PTPRD: variants seen among roughly 807,000 people sequenced by gnomAD.
PTPRD encodes protein tyrosine phosphatase receptor type D, also known as receptor-type tyrosine-protein phosphatase delta.
In PTPRD, 34 loss-of-function variants were observed where a neutral mutation model predicts 214.5. The observed-to-expected ratio is 0.16, with a 90% CI of 0.12 to 0.21. The LOEUF is 0.21. Ranked by LOEUF, PTPRD falls within the 10% of genes least tolerant of loss-of-function variation. PTPRD has a pLI of 1.00. For missense variants in PTPRD, 2,545 were observed against 2,398.7 expected, an observed-to-expected ratio of 1.06 and a Z score of -1.27; for synonymous variants, 1,128 against 845.7, an observed-to-expected ratio of 1.33 and a Z score of -5.79.
At position 10,272,005 on chromosome 9, in the gene PTPRD, A is replaced by ATTCTATATC. The variant is rs199630722; in HGVS notation, c.-545+68957_-545+68958insGATATAGAA. Among the ~76,000 whole-genome samples the ATTCTATATC allele has an allele frequency of 5.5e-3, 836 of 152,266 alleles. 8 individuals are homozygous for ATTCTATATC. Among genetic ancestry groups the ATTCTATATC allele is most frequent in the East Asian group, 0.033 (169 of 5,186 alleles). On this transcript the variant is annotated intron_variant, in intron 3 of 45. Transcript: ENST00000381196. The stretch of plus-strand genomic sequence containing the variant: ...TATCATTCATCCATTTAAAATATGA[A>ATTCTATATC]TTTTGTTATATTCACAGAGTTTTGA...
chr9:10,451,890 C>T (rs113710253), intron 2 of PTPRD, among the ~76,000 whole-genome samples: 1,807 of 151,990 alleles, frequency 0.012, 33 homozygotes, highest in African/African-American at 0.039. Flanking sequence ...AACTTCATAG[C>T]GTCAGTTAAA....
At chr9:9,966,615 T>C (rs753050407) in intron 4 of PTPRD, among the ~76,000 whole-genome samples, 1 of 152,152 alleles carries the variant, frequency 6.6e-6, no homozygotes, top group African/African-American at 2.4e-5. Context: ...TATGTTGTAG[T>C]CACATTGAGC....
chr9:10,075,682 G>A (rs1567518167), intron 3 of PTPRD, among the ~76,000 whole-genome samples: 1 of 151,570 alleles, frequency 6.6e-6, no homozygotes, highest in Non-Finnish European at 1.5e-5. Context: ...ATTTTCTGGG[G>A]GGGAGGGGGA....
intron 8 of PTPRD, among the ~76,000 whole-genome samples, chr9:9,417,051 T>G (rs761108121): frequency 6.6e-6 from 1 of 152,152 alleles, no homozygotes; most frequent in South Asian, 2.1e-4. Flanking sequence ...CTGGATATAC[T>G]GCTTCCCCTT....
intron 12 of PTPRD, among the ~76,000 whole-genome samples, chr9:8,690,471 C>T (rs912921701): frequency 6.7e-6 from 1 of 150,284 alleles, no homozygotes. Context: ...AGAGCTTGCA[C>T]TGAGCCAAGA....
At chr9:8,837,639 G>A (rs1021075184) in intron 11 of PTPRD, among the ~76,000 whole-genome samples, 2 of 151,934 alleles carry the variant, frequency 1.3e-5, no homozygotes, top group Non-Finnish European at 1.5e-5. Flanking sequence ...TGGTATTACA[G>A]GTGCATACCA....
intron 8 of PTPRD, among the ~76,000 whole-genome samples, chr9:9,559,572 G>T (rs1192725484): frequency 6.6e-6 from 1 of 152,194 alleles, no homozygotes. Flanking sequence ...GGTAAGAGGG[G>T]CATTGCTGTT....
intron 3 of PTPRD, among the ~76,000 whole-genome samples, chr9:10,159,709 C>T (rs991958073): frequency 2.6e-5 from 4 of 151,168 alleles, no homozygotes; most frequent in African/African-American, 9.7e-5. Flanking sequence ...AATATATTTG[C>T]TGAGCAAAAA....
intron 10 of PTPRD, among the ~76,000 whole-genome samples, chr9:9,125,919 C>T (rs527893144): frequency 3.3e-5 from 5 of 152,204 alleles, no homozygotes; most frequent in African/African-American, 1.2e-4. Flanking sequence ...GAAATGGAGC[C>T]AGCCAAGTGA....
intron 12 of PTPRD, among the ~76,000 whole-genome samples, chr9:8,676,510 G>A (rs1261401284): frequency 6.6e-6 from 1 of 151,318 alleles, no homozygotes; most frequent in Non-Finnish European, 1.5e-5. Flanking sequence ...AGCCTCCTGA[G>A]TAGCTGGGAT....
intron 9 of PTPRD, among the ~76,000 whole-genome samples, chr9:9,192,079 G>A (rs1012733304): frequency 1.3e-5 from 2 of 151,920 alleles, no homozygotes; most frequent in African/African-American, 4.8e-5. Flanking sequence ...GTGAGACTGG[G>A]ACTTTCAGGC....
chr9:9,911,004 A>T (rs543229038), intron 5 of PTPRD, among the ~76,000 whole-genome samples: 1 of 151,908 alleles, frequency 6.6e-6, no homozygotes, highest in Non-Finnish European at 1.5e-5. Context: ...TCATTGTTTC[A>T]TATCTGGATT....
chr9:9,585,170 C>T (rs1042512351), intron 7 of PTPRD, among the ~76,000 whole-genome samples: 2 of 151,976 alleles, frequency 1.3e-5, no homozygotes, highest in African/African-American at 4.8e-5. Context: ...ATTTTCTCTT[C>T]TTCCCAGTAC....
intron 2 of PTPRD, among the ~76,000 whole-genome samples, chr9:10,477,286 G>A (rs528723445): frequency 2.6e-5 from 4 of 151,960 alleles, no homozygotes; most frequent in African/African-American, 9.6e-5. Context: ...AAATTTACAA[G>A]AAAAAAATAA....
At chr9:10,012,714 TATTTGGGTCATG>T (rs2096626998) in intron 4 of PTPRD, among the ~76,000 whole-genome samples, 3 of 151,888 alleles carry the variant, frequency 2.0e-5, no homozygotes, top group African/African-American at 7.2e-5. Flanking sequence ...CAATGCTCAA[TATTTGGGTCATG>T]TGTTAAATAT....
chr9:10,560,726 A>T (rs1053358967), intron 2 of PTPRD, among the ~76,000 whole-genome samples: 6 of 152,230 alleles, frequency 3.9e-5, no homozygotes, highest in East Asian at 1.9e-4. Flanking sequence ...GTCGCAGTAA[A>T]CCAAGAATAA....
intron 3 of PTPRD, among the ~76,000 whole-genome samples, chr9:10,311,290 C>G (rs1446621692): frequency 6.6e-6 from 1 of 151,780 alleles, no homozygotes; most frequent in African/African-American, 2.4e-5. Context: ...TAAAGTTAAC[C>G]TTTATACTGA....
rs549149940 is a variant in PTPRD at position 9,119,198 on chromosome 9, C to A, written c.-143+64106G>T. ...AGTTTATCTTATTATGACTCCTTATCATTTTATAGGTTTACCATGTTAGTC... is the reference window on the plus strand; with the variant it reads ...AGTTTATCTTATTATGACTCCTTATAATTTTATAGGTTTACCATGTTAGTC... On this transcript the variant is annotated intron_variant, in intron 10 of 45. Coordinates refer to ENST00000381196, the MANE Select transcript of PTPRD (RefSeq NM_002839.4). Among the ~76,000 whole-genome samples the A allele has an allele frequency of 9.3e-4, 141 of 152,268 alleles. 1 individual carries two copies. Among genetic ancestry groups the A allele is most frequent in the Non-Finnish European group, 1.7e-3 (115 of 68,022 alleles).
intron 36 of PTPRD, among the ~76,000 whole-genome samples, chr9:8,397,918 G>A (rs1437480003): frequency 6.6e-6 from 1 of 152,138 alleles, no homozygotes; most frequent in East Asian, 1.9e-4. Context: ...AACAGCAGAT[G>A]ATATATATTT....
Sources: gnomAD v4.1 joint callset for allele counts (sites outside exome capture counted in the v4.1 genomes callset) on GRCh38, gnomAD v4.1.1 for gene constraint, MANE v1.5 for transcripts, NCBI Gene and HGNC (gene_info 2026-07-23, HGNC 2026-07-21) for gene names.